Variants in LRRC18 observed in about 807,000 individuals in gnomAD.
LRRC18 encodes leucine rich repeat containing 18, also known as leucine-rich repeat-containing protein 18.
LRRC18 carries 12 observed loss-of-function variants against 11.2 expected under a neutral mutation model. The ratio of observed to expected loss-of-function variants is 1.07; its 90% CI spans 0.69 to 1.74. The LOEUF (loss-of-function observed/expected upper bound fraction) is 1.74, where lower values mean the gene tolerates loss of function less well. Ranked by LOEUF, LRRC18 falls within the 40% of genes most tolerant of loss-of-function variation. The probability of loss-of-function intolerance (pLI) is 0.00; values close to 1 mark genes in which losing one functional copy is unlikely to be tolerated. For missense variants in LRRC18, 374 were observed against 330.5 expected (o/e 1.13, Z -1.02); for synonymous variants, 155 against 130.6 (o/e 1.19, Z -1.27).
chr10:48,916,827 ACC>A (rs35713572), upstream of LRRC18, among the ~76,000 whole-genome samples: 96,863 of 136,290 alleles, frequency 0.71, 33,734 homozygotes, highest in East Asian at 1. Flanking sequence ...CCTACTACAG[ACC>A]CCTAGGTGCT....
chr10:48,923,088 T>G, the LRRC18 span, among the ~76,000 whole-genome samples: 1 of 152,198 alleles, frequency 6.6e-6, no homozygotes, highest in African/African-American at 2.4e-5. Flanking sequence ...TGGGACTCCA[T>G]ATTCTACTTC....
At chr10:48,916,330 G>A (rs1310601458), upstream of LRRC18, among the ~76,000 whole-genome samples, 2 of 152,190 alleles carry the variant, frequency 1.3e-5, no homozygotes, top group Admixed American at 6.5e-5. Context: ...GGATTTTTAA[G>A]GGTCAGAGAC....
the LRRC18 span, among the ~76,000 whole-genome samples, chr10:48,926,475 T>C: frequency 6.6e-6 from 1 of 152,188 alleles, no homozygotes; most frequent in Admixed American, 6.5e-5. Context: ...CGCAACAGAT[T>C]GAGGAGACAG....
chr10:48,930,733 G>A, the LRRC18 span, among the ~76,000 whole-genome samples: 1 of 151,994 alleles, frequency 6.6e-6, no homozygotes, highest in Non-Finnish European at 1.5e-5. Context: ...ATAGATGAGT[G>A]ATTAAATAAT....
the LRRC18 span, among the ~76,000 whole-genome samples, chr10:48,934,387 C>T: frequency 1.3e-5 from 2 of 152,176 alleles, no homozygotes; most frequent in African/African-American, 2.4e-5. Context: ...CCTGACATGT[C>T]GATTTTCATC....
chr10:48,915,478 C>G (rs1448562726), upstream of LRRC18, among the ~76,000 whole-genome samples: 1 of 151,892 alleles, frequency 6.6e-6, no homozygotes, highest in East Asian at 1.9e-4. Flanking sequence ...GAGACACAAA[C>G]TTGCATTGCC....
chr10:48,928,353 CGTGTGTGTGT>C, the LRRC18 span, among the ~76,000 whole-genome samples: 81 of 125,042 alleles, frequency 6.5e-4, no homozygotes, highest in African/African-American at 2.0e-3. Flanking sequence ...TTGGTTTTGA[CGTGTGTGTGT>C]GTGTGTGTGT....
the LRRC18 span, among the ~76,000 whole-genome samples, chr10:48,930,728 T>C: frequency 0.93 from 140,699 of 152,100 alleles, 65,877 homozygotes; most frequent in East Asian, 1. Context: ...TAACAATAGA[T>C]GAGTGATTAA....
At chr10:48,915,535 G>A (rs1838442213), upstream of LRRC18, among the ~76,000 whole-genome samples, 1 of 152,008 alleles carries the variant, frequency 6.6e-6, no homozygotes, top group South Asian at 2.1e-4. Context: ...TACAGTTTCT[G>A]TACTTCATCA....
exon 1 of LRRC18, chr10:48,913,417 C>A: frequency 6.2e-7 from 1 of 1,612,588 alleles, no homozygotes; most frequent in Non-Finnish European, 8.5e-7. Flanking sequence ...GAGTCCTTGG[C>A]CATGGAATTG....
chr10:48,910,290 T>A, intron 1 of LRRC18, 32 bp from the exon 4 acceptor site: 1 of 1,544,778 alleles, frequency 6.5e-7, no homozygotes, highest in Non-Finnish European at 8.8e-7. Context: ...GGTGAGGCAA[T>A]TGCTCCAGGC....
At chr10:48,935,607 T>C in the LRRC18 span, among the ~76,000 whole-genome samples, 2 of 152,270 alleles carry the variant, frequency 1.3e-5, no homozygotes, top group African/African-American at 4.8e-5. Context: ...CTTTGGTTTT[T>C]GAGAGGGCTG....
the LRRC18 span, among the ~76,000 whole-genome samples, chr10:48,925,112 A>G: frequency 6.6e-6 from 1 of 152,326 alleles, no homozygotes; most frequent in South Asian, 2.1e-4. Flanking sequence ...TTAAAAGGAA[A>G]TGATGCAAAC....
At chr10:48,919,274 A>G in the LRRC18 span, among the ~76,000 whole-genome samples, 7 of 152,218 alleles carry the variant, frequency 4.6e-5, no homozygotes, top group Non-Finnish European at 7.3e-5. Context: ...AGAGAACAGT[A>G]CAAACAACTC....
intron 1 of LRRC18, chr10:48,910,939 A>G: frequency 1.0e-6 from 1 of 983,470 alleles, no homozygotes; most frequent in East Asian, 1.1e-4. Context: ...GAACCTTTTG[A>G]ATACCTAAGG....
the LRRC18 span, chr10:48,935,136 T>G: frequency 2.6e-5 from 4 of 152,196 alleles, no homozygotes; most frequent in Non-Finnish European, 5.9e-5. Context: ...ACAGTTAAAG[T>G]AAATCGATAA....
At chr10:48,920,066 A>G in the LRRC18 span, among the ~76,000 whole-genome samples, 4,073 of 152,204 alleles carry the variant, frequency 0.027, 111 homozygotes, top group African/African-American at 0.075. Flanking sequence ...GACAGCCCAA[A>G]CTTACTCAAT....
chr10:48,913,816 G>C (rs1232793261), exon 1 of LRRC18: 1 of 1,614,080 alleles, frequency 6.2e-7, no homozygotes, highest in African/African-American at 1.3e-5. Context: ...AGCTCCACGG[G>C]CAGCCCGTTG....
chr10:48,918,996 T>C (rs542139709), upstream of LRRC18, among the ~76,000 whole-genome samples: 1 of 152,154 alleles, frequency 6.6e-6, no homozygotes, highest in African/African-American at 2.4e-5. Flanking sequence ...TATAAAGCAC[T>C]CTACCTAGCA....
Sources: gnomAD v4.1 joint callset for allele counts (sites outside exome capture counted in the v4.1 genomes callset) on GRCh38, gnomAD v4.1.1 for gene constraint, MANE v1.5 for transcripts, NCBI Gene and HGNC (gene_info 2026-07-23, HGNC 2026-07-21) for gene names.